RNLS: variants seen among roughly 807,000 people sequenced by gnomAD.
RNLS encodes the protein renalase.
A neutral mutation model predicts 39.8 loss-of-function variants in RNLS; 39 were observed. The ratio of observed to expected loss-of-function variants is 0.98; its 90% CI spans 0.76 to 1.28. The LOEUF is 1.28. Among genes scored for constraint, RNLS ranks in the 50% most tolerant of loss-of-function variants. The probability of loss-of-function intolerance (pLI) is 0.00; values close to 1 mark genes in which losing one functional copy is unlikely to be tolerated. For missense variants in RNLS, 410 were observed against 413.3 expected (o/e 0.99, Z 0.07); for synonymous variants, 147 against 150.7 (o/e 0.98, Z 0.18).
intron 4 of RNLS, among the ~76,000 whole-genome samples, chr10:88,524,248 G>A (rs1362550965): frequency 6.6e-6 from 1 of 152,036 alleles, no homozygotes; most frequent in African/African-American, 2.4e-5. Flanking sequence ...AACCACTGGC[G>A]CCTTCCAACC....
chr10:88,484,667 G>A (rs552739494), intron 4 of RNLS, among the ~76,000 whole-genome samples: 1 of 151,892 alleles, frequency 6.6e-6, no homozygotes, highest in South Asian at 2.1e-4. Flanking sequence ...ATAATATATA[G>A]AGCAGTTAAT....
At chr10:88,274,002 A>G (rs1842725100) in exon 7 of RNLS, 1 of 152,158 alleles carries the variant, frequency 6.6e-6, no homozygotes, top group Non-Finnish European at 1.5e-5. Context: ...GTTCATATAT[A>G]TTTGTGTGTG....
chr10:88,578,860 G>A (rs1850358134), intron 3 of RNLS, among the ~76,000 whole-genome samples: 1 of 152,100 alleles, frequency 6.6e-6, no homozygotes, highest in Non-Finnish European at 1.5e-5. Context: ...ACTCCATGAA[G>A]GCAAGGACAT....
At chr10:88,533,785 T>A (rs989399265) in intron 4 of RNLS, among the ~76,000 whole-genome samples, 1 of 152,110 alleles carries the variant, frequency 6.6e-6, no homozygotes, top group Non-Finnish European at 1.5e-5. Context: ...AGGACAGTGA[T>A]GTCTAAAGTA....
intron 6 of RNLS, among the ~76,000 whole-genome samples, chr10:88,292,912 G>A (rs1441322228): frequency 3.3e-5 from 5 of 151,978 alleles, no homozygotes; most frequent in Admixed American, 6.6e-5. Context: ...TTAGCTGGGC[G>A]TGGTGGCACG....
chr10:88,207,973 A>G, the RNLS span, among the ~76,000 whole-genome samples: 26 of 152,166 alleles, frequency 1.7e-4, no homozygotes, highest in Admixed American at 1.2e-3. Flanking sequence ...GGCTCACCCT[A>G]GAAGAGGGTC....
chr10:88,366,678 A>AG (rs1358400544), intron 4 of RNLS, among the ~76,000 whole-genome samples: 7 of 149,110 alleles, frequency 4.7e-5, no homozygotes, highest in Admixed American at 4.0e-4. Context: ...AAAAAAAAAA[A>AG]AAAAAAAAAA....
chr10:88,426,019 G>C (rs1369017208), intron 4 of RNLS, among the ~76,000 whole-genome samples: 3 of 151,968 alleles, frequency 2.0e-5, no homozygotes, highest in African/African-American at 4.8e-5. Context: ...AAACTAACTT[G>C]GAAGTTTACT....
intron 4 of RNLS, among the ~76,000 whole-genome samples, chr10:88,456,267 T>C (rs757552864): frequency 1.3e-5 from 2 of 152,010 alleles, no homozygotes; most frequent in Admixed American, 1.3e-4. Context: ...TTCCTGAGTA[T>C]ACTTTCAGTT....
chr10:88,564,892 T>C (rs1221210493), intron 4 of RNLS, among the ~76,000 whole-genome samples: 1 of 151,812 alleles, frequency 6.6e-6, no homozygotes, highest in Non-Finnish European at 1.5e-5. Context: ...ATAGAGAGAG[T>C]TGGATGACAG....
the RNLS span, among the ~76,000 whole-genome samples, chr10:88,266,460 A>G: frequency 6.6e-6 from 1 of 152,126 alleles, no homozygotes; most frequent in African/African-American, 2.4e-5. Context: ...CTTTACAACT[A>G]ACACAGGATG....
chr10:88,312,721 T>G (rs1415859884), intron 6 of RNLS, among the ~76,000 whole-genome samples: 1 of 152,194 alleles, frequency 6.6e-6, no homozygotes, highest in Non-Finnish European at 1.5e-5. Context: ...GGGCTTATCT[T>G]TACCACTAGA....
the RNLS span, among the ~76,000 whole-genome samples, chr10:88,227,618 T>G: frequency 6.6e-6 from 1 of 152,194 alleles, no homozygotes; most frequent in Non-Finnish European, 1.5e-5. Context: ...GTTAAAGGAC[T>G]GGGGAAATAG....
intron 5 of RNLS, among the ~76,000 whole-genome samples, chr10:88,341,820 G>T (rs886256713): frequency 1.1e-4 from 17 of 152,062 alleles, no homozygotes; most frequent in African/African-American, 4.1e-4. Flanking sequence ...AATGGTAAAA[G>T]ATATAACCTA....
the RNLS span, among the ~76,000 whole-genome samples, chr10:88,237,317 C>T: frequency 6.8e-6 from 1 of 148,100 alleles, no homozygotes. Context: ...TCCCTCTTCC[C>T]CTTCCTTCCT....
chr10:88,295,596 T>A (rs528014317), intron 6 of RNLS, among the ~76,000 whole-genome samples: 1 of 152,322 alleles, frequency 6.6e-6, no homozygotes, highest in Non-Finnish European at 1.5e-5. Context: ...AGAGAGCTGC[T>A]GTGAAATTAC....
intron 4 of RNLS, among the ~76,000 whole-genome samples, chr10:88,546,949 T>C (rs1848344974): frequency 6.6e-6 from 1 of 151,248 alleles, no homozygotes; most frequent in African/African-American, 2.4e-5. Flanking sequence ...ACCATGTGAA[T>C]GACAGGGGAA....
chr10:88,453,973 G>C (rs1175085716), intron 4 of RNLS, among the ~76,000 whole-genome samples: 1 of 152,176 alleles, frequency 6.6e-6, no homozygotes, highest in Non-Finnish European at 1.5e-5. Flanking sequence ...AATATGAATA[G>C]TGATCTGGTT....
At chr10:88,195,542 G>A in the RNLS span, among the ~76,000 whole-genome samples, 6 of 152,150 alleles carry the variant, frequency 3.9e-5, no homozygotes, top group African/African-American at 1.4e-4. Flanking sequence ...GTAGTTTGGG[G>A]TAAGAAGACA....
Sources: gnomAD v4.1 joint callset for allele counts (sites outside exome capture counted in the v4.1 genomes callset) on GRCh38, gnomAD v4.1.1 for gene constraint, MANE v1.5 for transcripts, NCBI Gene and HGNC (gene_info 2026-07-23, HGNC 2026-07-21) for gene names.